SEL1L: variants seen among roughly 807,000 people sequenced by gnomAD.
SEL1L encodes the protein protein sel-1 homolog 1.
SEL1L carries 52 observed loss-of-function variants against 109.8 expected under a neutral mutation model. The observed-to-expected ratio is 0.47, with a 90% confidence interval of 0.38 to 0.60. The LOEUF (loss-of-function observed/expected upper bound fraction) is 0.60. Ranked by LOEUF, SEL1L falls within the 20% of genes least tolerant of loss-of-function variation. The pLI, the probability that SEL1L is intolerant of heterozygous loss-of-function variation, is 0.00. For missense variants in SEL1L, 749 were observed against 962.2 expected (o/e 0.78, Z 2.93); for synonymous variants, 373 against 339.6 (o/e 1.10, Z -1.08).
chr14:81,502,039 A>C (rs1021532714), intron 6 of SEL1L, among the ~76,000 whole-genome samples: 4 of 151,748 alleles, frequency 2.6e-5, no homozygotes, highest in African/African-American at 7.3e-5. Context: ...TCCTGGATTG[A>C]ATACTGGTTT....
At chr14:81,515,078 T>A (rs1884645900) in intron 3 of SEL1L, among the ~76,000 whole-genome samples, 1 of 152,112 alleles carries the variant, frequency 6.6e-6, no homozygotes. Flanking sequence ...ATAGCTCCCC[T>A]TCCTATTAAT....
Position 81,473,024 on chromosome 14 carries a change from TCAC to T in SEL1L, c.*3945_*3947del, listed in dbSNP as rs1356702840. The T allele has an allele frequency of 6.5e-6, 1 of 154,140 alleles. No homozygotes were observed. Among genetic ancestry groups the T allele is most frequent in the Admixed American group, 6.4e-5 (1 of 15,540 alleles). The allele number at this position is 154,140 out of a possible 1,614,324, so 9.5% of individuals were successfully genotyped here. ...TTTGTTTACACAATTATATTACACT[TCAC>T]CAACCTTTATACTGCATTTCATTAA... On this transcript the variant is annotated 3_prime_UTR_variant, in exon 21 of 21. Transcript: ENST00000336735.
Position 81,486,310 on chromosome 14 carries a change from C to T in SEL1L, c.1777G>A (p.Ala593Thr), listed in dbSNP as rs1161288969. ...EQGYEVAQSN[A>T]AFILDQREAS... ...TTACTCTGATCAAGAATAAAGGCTG[C>T]ATTGCTTTGTGCCACTTCATAGCCC... The change falls in exon 17 of 21, where the codon GCA (alanine) becomes ACA (threonine). Residue 593 changes from alanine to threonine, a missense_variant. Ala to Thr is a moderately conservative substitution (Grantham distance 58, BLOSUM62 0). This residue lies in a region of SEL1L where 383 missense variants were observed against 562.5 expected (regional missense o/e 0.68). Transcript: ENST00000336735. 8.7e-6 allele frequency: 14 copies of T among 1,614,012 alleles called. No individual in the cohort carries two copies. The highest frequency in any genetic ancestry group is 1.2e-5 in the Non-Finnish European group (14 of 1,180,014).
rs755622892 is a variant in SEL1L at position 81,526,955 on chromosome 14, T to C, written c.118A>G (p.Thr40Ala). 4.4e-6 allele frequency: 7 copies of C among 1,608,284 alleles called. No homozygotes were observed. Among genetic ancestry groups the C allele is most frequent in the African/African-American group, 1.3e-5 (1 of 74,762 alleles). The change falls in exon 3 of 21, where the codon ACA becomes GCA. Residue 40 changes from threonine to alanine, a missense_variant. Around this residue, in one of 2 missense-constraint regions of SEL1L, gnomAD observed 366 missense variants for 399.8 expected, o/e 0.92. Transcript: ENST00000336735. ...TGGTCCTTTACTGACTCATCTGATG[T>C]CAAAGTAGTCTGAGAATATAAAGTA... ...DESLDSKTTL[T>A]SDESVKDHTT...
At chr14:81,532,984 T>C (rs983987088) in intron 1 of SEL1L, among the ~76,000 whole-genome samples, 1 of 152,186 alleles carries the variant, frequency 6.6e-6, no homozygotes, top group Non-Finnish European at 1.5e-5. Context: ...ATTAGCTAAC[T>C]GGAAAATCAA....
At chr14:81,499,012 C>T (rs1428182193) in intron 8 of SEL1L, 1 of 628,790 alleles carries the variant, frequency 1.6e-6, no homozygotes, top group African/African-American at 2.0e-5. Flanking sequence ...TCATTCTGCA[C>T]AAATAACTCC....
intron 3 of SEL1L, among the ~76,000 whole-genome samples, chr14:81,510,502 C>A (rs1347726338): frequency 1.0e-3 from 131 of 126,348 alleles, no homozygotes; most frequent in Non-Finnish European, 1.4e-3. Context: ...CTCTCTCTCT[C>A]TCTCTCTCTC....
At chr14:81,523,192 C>T (rs2140055543) in intron 3 of SEL1L, among the ~76,000 whole-genome samples, 1 of 152,266 alleles carries the variant, frequency 6.6e-6, no homozygotes, top group Middle Eastern at 3.4e-3. Context: ...GGAAACCAAC[C>T]ATTAGATTAG....
At chr14:81,499,712 C>T in intron 6 of SEL1L, 50 bp from the exon 7 acceptor site, 1 of 1,451,258 alleles carries the variant, frequency 6.9e-7, no homozygotes, top group Non-Finnish European at 9.5e-7. Flanking sequence ...AAGGTTTATC[C>T]AAGACAGACA....
rs1883848130 is a variant in SEL1L, at chr14:81,498,113, T to C, written c.974-67A>G. 3 of 1,493,910 alleles carry C rather than the reference T, an allele frequency of 2.0e-6. No homozygotes were observed. In the Admixed American group the frequency reaches 6.0e-5, roughly 30 times the overall value. The allele number at this position is 1,493,910 out of a possible 1,614,324, so 92.5% of individuals were successfully genotyped here. On this transcript the variant is annotated intron_variant, in intron 9 of 20. Transcript: ENST00000336735. Reference sequence around the variant, plus strand: ...AAGAATTGTTCCAGAGAGAGAGAAGTACAATTCCAGCTGCCAAACGTTGAC... The same window carrying C: ...AAGAATTGTTCCAGAGAGAGAGAAGCACAATTCCAGCTGCCAAACGTTGAC...
At chr14:81,488,106 A>G (rs1043543579) in intron 14 of SEL1L, among the ~76,000 whole-genome samples, 164 bp from the exon 15 acceptor site, 1 of 152,248 alleles carries the variant, frequency 6.6e-6, no homozygotes, top group Non-Finnish European at 1.5e-5. Context: ...ATATACATTA[A>G]GTCATAGGGG....
Position 81,477,686 on chromosome 14 carries a change from G to A in SEL1L, c.2176-505C>T, listed in dbSNP as rs548740017. ...AAATTAACCAGGCATGGTGGCGGGT[G>A]CATGTAATCCCAGCTATTCTGGAGG... On this transcript the variant is annotated intron_variant, in intron 20 of 20. Coordinates refer to ENST00000336735, the MANE Select transcript of SEL1L (RefSeq NM_005065.6). Among the ~76,000 whole-genome samples, 14 of 152,246 alleles carry A rather than the reference G, an allele frequency of 9.2e-5. No individual in the cohort carries two copies. The South Asian group carries it at 2.9e-3, about 32-fold the overall frequency.
intron 3 of SEL1L, among the ~76,000 whole-genome samples, chr14:81,510,514 C>CTCTCTCTCTCTCTCTCTCTA (rs35474067): frequency 3.8e-5 from 4 of 104,054 alleles, no homozygotes; most frequent in African/African-American, 6.8e-5. Context: ...CTCTCTCTCT[C>CTCTCTCTCTCTCTCTCTCTA]TATATATATA....
At chr14:81,486,648 TAAA>T (rs373650913) in intron 16 of SEL1L, among the ~76,000 whole-genome samples, 194 bp from the exon 17 acceptor site, 4 of 143,274 alleles carry the variant, frequency 2.8e-5, no homozygotes, top group East Asian at 2.0e-4. Flanking sequence ...AACAGGTTTA[TAAA>T]AAAAAAAAAC....
intron 19 of SEL1L, among the ~76,000 whole-genome samples, chr14:81,482,510 T>TA (rs747819513): frequency 4.2e-4 from 64 of 151,892 alleles, no homozygotes; most frequent in East Asian, 3.1e-3. Flanking sequence ...CATCTCCATT[T>TA]AAAAAAAACG....
chr14:81,524,261 A>C (rs1299226721), intron 3 of SEL1L, among the ~76,000 whole-genome samples: 1 of 152,240 alleles, frequency 6.6e-6, no homozygotes, highest in Non-Finnish European at 1.5e-5. Context: ...TAGAATGGTG[A>C]GATCAGGGTG....
At chr14:81,483,624 A>G (rs1903426652) in intron 19 of SEL1L, among the ~76,000 whole-genome samples, 1 of 152,234 alleles carries the variant, frequency 6.6e-6, no homozygotes, top group Non-Finnish European at 1.5e-5. Flanking sequence ...GTATTAAATT[A>G]TTGTTATTTA....
intron 6 of SEL1L, 27 bp downstream of exon 6, chr14:81,502,694 G>C (rs765935339): frequency 1.2e-6 from 2 of 1,607,652 alleles, no homozygotes; most frequent in Admixed American, 3.4e-5. Flanking sequence ...TACATGCAGA[G>C]AGATTCTTCA....
chr14:81,478,520 T>G (rs1054667471), intron 20 of SEL1L, among the ~76,000 whole-genome samples: 1 of 152,128 alleles, frequency 6.6e-6, no homozygotes, highest in Non-Finnish European at 1.5e-5. Flanking sequence ...TTGTGAGAGA[T>G]AAAGGTCTGA....
Sources: allele counts gnomAD v4.1 joint callset (sites outside exome capture counted in the v4.1 genomes callset), GRCh38; gene constraint gnomAD v4.1.1; regional missense constraint gnomAD v4.1.1; transcripts MANE v1.5; gene names NCBI Gene and HGNC (gene_info 2026-07-23, HGNC 2026-07-21).